ARHGAP22: variants seen among roughly 807,000 people sequenced by gnomAD.
The protein encoded by ARHGAP22 is rho GTPase-activating protein 22.
A neutral mutation model predicts 59.1 loss-of-function variants in ARHGAP22; 48 were observed. The ratio of observed to expected loss-of-function variants is 0.81; its 90% CI spans 0.64 to 1.03. The LOEUF is 1.03. Ranked by LOEUF, ARHGAP22 falls within the 50% of genes least tolerant of loss-of-function variation. ARHGAP22 has a pLI of 0.00. For missense variants in ARHGAP22, 1,015 were observed against 958.7 expected (o/e 1.06, Z -0.78); for synonymous variants, 445 against 416.4 (o/e 1.07, Z -0.84).
At chr10:48,482,610 T>C (rs116912835) in intron 3 of ARHGAP22, among the ~76,000 whole-genome samples, 2,535 of 152,322 alleles carry the variant, frequency 0.017, 39 homozygotes, top group Middle Eastern at 0.037. Flanking sequence ...CTTAATCAGG[T>C]TGAGAAAGTT....
At chr10:48,474,594 T>C (rs2048529605) in intron 4 of ARHGAP22, among the ~76,000 whole-genome samples, 3 of 152,220 alleles carry the variant, frequency 2.0e-5, no homozygotes, top group Admixed American at 6.5e-5. Context: ...CCCTTTATCA[T>C]AGGAATTCCC....
At chr10:48,617,513 C>T (rs542571140) in intron 1 of ARHGAP22, among the ~76,000 whole-genome samples, 1 of 152,060 alleles carries the variant, frequency 6.6e-6, no homozygotes, top group South Asian at 2.1e-4. Context: ...CTTTTCTGAT[C>T]ACATCAGAAT....
chr10:48,655,019 TTTC>T (rs2062732129), upstream of ARHGAP22, among the ~76,000 whole-genome samples: 1 of 70,728 alleles, frequency 1.4e-5, no homozygotes, highest in Non-Finnish European at 2.9e-5. Flanking sequence ...TCTTTCTTTC[TTTC>T]TTTCTTTCAT....
At chr10:48,582,118 C>T (rs2059154760) in intron 2 of ARHGAP22, among the ~76,000 whole-genome samples, 1 of 152,220 alleles carries the variant, frequency 6.6e-6, no homozygotes, top group Non-Finnish European at 1.5e-5. Flanking sequence ...TGCCCCCAAG[C>T]TGTGGGGATG....
intron 1 of ARHGAP22, among the ~76,000 whole-genome samples, chr10:48,597,096 C>T (rs1179005609): frequency 6.6e-6 from 1 of 152,188 alleles, no homozygotes; most frequent in Admixed American, 6.5e-5. Flanking sequence ...GAATGATTGA[C>T]TTCCATCCCT....
At chr10:48,508,843 C>T (rs2052441627) in intron 3 of ARHGAP22, among the ~76,000 whole-genome samples, 1 of 152,252 alleles carries the variant, frequency 6.6e-6, no homozygotes, top group African/African-American at 2.4e-5. Context: ...CCACTTATCC[C>T]AGGTACCACA....
downstream of ARHGAP22, among the ~76,000 whole-genome samples, chr10:48,442,152 G>A (rs1026668892): frequency 2.0e-5 from 3 of 152,158 alleles, no homozygotes; most frequent in Admixed American, 6.5e-5. Flanking sequence ...CATGGGCTCC[G>A]GTGCCAAATA....
chr10:48,450,191 T>C, intron 9 of ARHGAP22, 70 bp downstream of exon 9: 1 of 1,552,774 alleles, frequency 6.4e-7, no homozygotes, highest in Admixed American at 1.9e-5. Flanking sequence ...CCGACGCCCA[T>C]GTGCCAAGAG....
At chr10:48,493,747 G>A (rs1265001677) in intron 3 of ARHGAP22, 2 of 1,047,618 alleles carry the variant, frequency 1.9e-6, no homozygotes, top group African/African-American at 1.6e-5. Context: ...CCAGTGGGAG[G>A]TCGGCGTGGT....
intron 1 of ARHGAP22, among the ~76,000 whole-genome samples, chr10:48,610,451 G>C (rs1294981341): frequency 1.3e-5 from 2 of 152,108 alleles, no homozygotes; most frequent in East Asian, 3.9e-4. Flanking sequence ...AGGTGACTTA[G>C]GGGCACTGCA....
intron 3 of ARHGAP22, among the ~76,000 whole-genome samples, chr10:48,492,834 A>AC (rs1267328141): frequency 6.6e-6 from 1 of 152,196 alleles, no homozygotes; most frequent in African/African-American, 2.4e-5. Context: ...ATTACAGGCC[A>AC]CTGCACTCAG....
At chr10:48,537,359 G>A (rs184465892) in intron 3 of ARHGAP22, among the ~76,000 whole-genome samples, 6 of 152,208 alleles carry the variant, frequency 3.9e-5, no homozygotes, top group Admixed American at 1.3e-4. Flanking sequence ...CCTCATCCTC[G>A]GGCTGTGTAC....
At chr10:48,520,491 G>T (rs1212816975) in intron 3 of ARHGAP22, among the ~76,000 whole-genome samples, 1 of 152,216 alleles carries the variant, frequency 6.6e-6, no homozygotes, top group African/African-American at 2.4e-5. Context: ...TGACAGGGGG[G>T]CCAGGATGAG....
intron 3 of ARHGAP22, among the ~76,000 whole-genome samples, chr10:48,545,553 G>A (rs550981047): frequency 6.6e-6 from 1 of 152,210 alleles, no homozygotes; most frequent in African/African-American, 2.4e-5. Context: ...CAAGACTCAG[G>A]CTGGCTGGTA....
intron 3 of ARHGAP22, among the ~76,000 whole-genome samples, chr10:48,552,930 G>A (rs907937116): frequency 6.6e-6 from 1 of 152,218 alleles, no homozygotes; most frequent in Non-Finnish European, 1.5e-5. Context: ...CCAGGCTCCT[G>A]TACCTGCCAG....
At chr10:48,465,121 C>A (rs566778306) in intron 4 of ARHGAP22, among the ~76,000 whole-genome samples, 81 of 152,200 alleles carry the variant, frequency 5.3e-4, no homozygotes, top group African/African-American at 1.8e-3. Flanking sequence ...GCTCTCCTGG[C>A]ACCCTCGGAG....
rs370518102 is a variant in ARHGAP22 at position 48,450,887 on chromosome 10, G to T, written c.1242C>A (p.Ser414Arg). The stretch of plus-strand genomic sequence containing the variant: ...GCACCTTCTTCCCAGGGCTGCACCG[G>T]CTCCCCGGCCCCGTGGGGGCTGTTC... ...LSRTAPTGPGSRCSPGKKVQT... is the reference protein window; with the variant it reads ...LSRTAPTGPGRRCSPGKKVQT... The change falls in exon 9 of 10, where the codon AGC becomes AGA. Residue 414 changes from serine to arginine, a missense_variant. Transcript: ENST00000249601. 1.9e-6 allele frequency: 3 copies of T among 1,587,280 alleles called. No individual in the cohort carries two copies. The highest frequency in any genetic ancestry group is 2.7e-5 in the African/African-American group (2 of 74,226).
chr10:48,447,003 G>A (rs559049778), intron 9 of ARHGAP22, among the ~76,000 whole-genome samples: 1 of 152,190 alleles, frequency 6.6e-6, no homozygotes, highest in South Asian at 2.1e-4. Flanking sequence ...CCTGTGCTGT[G>A]GCCTCCCCTC....
At chr10:48,510,730 G>C (rs1282279149) in intron 3 of ARHGAP22, 1 of 152,282 alleles carries the variant, frequency 6.6e-6, no homozygotes, top group Non-Finnish European at 1.5e-5. Context: ...AAAATGAAGT[G>C]AGGCAGCCTT....
Sources: allele counts gnomAD v4.1 joint callset (sites outside exome capture counted in the v4.1 genomes callset), GRCh38; gene constraint gnomAD v4.1.1; transcripts MANE v1.5; gene names NCBI Gene and HGNC (gene_info 2026-07-23, HGNC 2026-07-21).